ZBTB38: variants seen among roughly 807,000 people sequenced by gnomAD.
ZBTB38 encodes the protein zinc finger and BTB domain-containing protein 38.
A neutral mutation model predicts 76.8 loss-of-function variants in ZBTB38; 20 were observed. The observed-to-expected ratio is 0.26, with a 90% CI of 0.18 to 0.38. ZBTB38 has a LOEUF of 0.38. Ranked by LOEUF, ZBTB38 falls within the 10% of genes least tolerant of loss-of-function variation. ZBTB38 has a pLI of 1.00. For missense variants in ZBTB38, 1,082 were observed against 1,482.3 expected (o/e 0.73, Z 4.43); for synonymous variants, 504 against 544.2 (o/e 0.93, Z 1.03).
chr3:141,423,793 A>G (rs1250466346), intron 5 of ZBTB38, among the ~76,000 whole-genome samples: 2 of 151,988 alleles, frequency 1.3e-5, no homozygotes, highest in Non-Finnish European at 2.9e-5. Flanking sequence ...TAATGAATCC[A>G]CTAAACTGAG....
chr3:141,334,068 A>T (rs1942935282), intron 1 of ZBTB38, among the ~76,000 whole-genome samples: 1 of 152,156 alleles, frequency 6.6e-6, no homozygotes, highest in Non-Finnish European at 1.5e-5. Context: ...CCCATAAAGA[A>T]TGGGACGCAT....
chr3:141,376,511 A>G (rs1356146957), intron 2 of ZBTB38, among the ~76,000 whole-genome samples: 2 of 152,176 alleles, frequency 1.3e-5, no homozygotes, highest in Non-Finnish European at 2.9e-5. Flanking sequence ...GATGAGTAAG[A>G]GTTCTGGAAA....
intron 1 of ZBTB38, among the ~76,000 whole-genome samples, chr3:141,327,334 T>G (rs1384442467): frequency 6.6e-6 from 1 of 152,104 alleles, no homozygotes; most frequent in African/African-American, 2.4e-5. Flanking sequence ...AGCCAGGCGA[T>G]CAAGGTCAAT....
intron 5 of ZBTB38, among the ~76,000 whole-genome samples, chr3:141,435,162 G>GA (rs1314561367): frequency 6.6e-6 from 1 of 151,778 alleles, no homozygotes; most frequent in East Asian, 1.9e-4. Context: ...TCTCAAAGAA[G>GA]AAAAAAGATA....
At chr3:141,362,813 G>A (rs1175493389) in intron 1 of ZBTB38, among the ~76,000 whole-genome samples, 1 of 152,118 alleles carries the variant, frequency 6.6e-6, no homozygotes, top group Non-Finnish European at 1.5e-5. Context: ...TGATGTTTGA[G>A]AAATGCAAGT....
At chr3:141,383,913 C>A (rs565198046) in intron 3 of ZBTB38, among the ~76,000 whole-genome samples, 2 of 152,192 alleles carry the variant, frequency 1.3e-5, no homozygotes, top group Non-Finnish European at 2.9e-5. Context: ...ATGAGAAGCA[C>A]GCAATTTTTT....
chr3:141,393,914 C>T (rs1439255470), intron 4 of ZBTB38, among the ~76,000 whole-genome samples: 2 of 152,154 alleles, frequency 1.3e-5, no homozygotes, highest in Admixed American at 1.3e-4. Context: ...CCCACGTTGG[C>T]GATTGTGAAG....
chr3:141,390,866 G>A (rs1948666053), intron 4 of ZBTB38, among the ~76,000 whole-genome samples: 2 of 152,152 alleles, frequency 1.3e-5, no homozygotes, highest in Admixed American at 1.3e-4. Context: ...ATTTTAAAAT[G>A]AAAGTGGGCC....
upstream of ZBTB38, among the ~76,000 whole-genome samples, chr3:141,364,366 T>C: frequency 6.6e-6 from 1 of 150,422 alleles, no homozygotes; most frequent in East Asian, 1.9e-4. Flanking sequence ...ATATAAAGAA[T>C]CCCTAAAACT....
intron 5 of ZBTB38, among the ~76,000 whole-genome samples, chr3:141,425,746 A>G (rs2076264554): frequency 6.6e-6 from 1 of 152,250 alleles, no homozygotes; most frequent in Admixed American, 6.5e-5. Context: ...AAACCAAGAA[A>G]AACATGGACA....
At chr3:141,349,151 A>T (rs1943449664) in intron 1 of ZBTB38, among the ~76,000 whole-genome samples, 1 of 152,206 alleles carries the variant, frequency 6.6e-6, no homozygotes. Context: ...TCACTCCACT[A>T]AAAATCTGAC....
intron 5 of ZBTB38, among the ~76,000 whole-genome samples, chr3:141,431,341 A>AAAAAAAAAAAAAAAAAAATATAT: frequency 9.7e-6 from 1 of 103,292 alleles, no homozygotes; most frequent in East Asian, 3.0e-4. Flanking sequence ...AAAAAAAAAA[A>AAAAAAAAAAAAAAAAAAATATAT]ATATATATAT....
At chr3:141,379,975 A>C (rs1471039619) in intron 2 of ZBTB38, among the ~76,000 whole-genome samples, 3 of 152,252 alleles carry the variant, frequency 2.0e-5, no homozygotes, top group Admixed American at 2.0e-4. Context: ...TAAACCCTCC[A>C]TTCTGTCATT....
At chr3:141,343,170 G>T (rs1214737628) in intron 1 of ZBTB38, among the ~76,000 whole-genome samples, 1 of 152,148 alleles carries the variant, frequency 6.6e-6, no homozygotes, top group Non-Finnish European at 1.5e-5. Flanking sequence ...GAAGTTTAGG[G>T]CAAGGAAGTG....
chr3:141,347,131 T>C (rs568270096), intron 1 of ZBTB38, among the ~76,000 whole-genome samples: 1 of 152,328 alleles, frequency 6.6e-6, no homozygotes, highest in South Asian at 2.1e-4. Flanking sequence ...ATGAGTTACA[T>C]ATGCGTGGGC....
chr3:141,364,441 G>A (rs1473925907), upstream of ZBTB38, among the ~76,000 whole-genome samples: 2 of 151,808 alleles, frequency 1.3e-5, no homozygotes, highest in African/African-American at 4.8e-5. Flanking sequence ...ACTTTGGGAG[G>A]CTGAGGCAGG....
chr3:141,366,739 G>A (rs1943984038), upstream of ZBTB38: 1 of 152,116 alleles, frequency 6.6e-6, no homozygotes, highest in African/African-American at 2.4e-5. Flanking sequence ...GAAAGCTGTG[G>A]GTGTGTTATC....
intron 3 of ZBTB38, among the ~76,000 whole-genome samples, chr3:141,383,021 A>G (rs1946422518): frequency 6.6e-6 from 1 of 152,230 alleles, no homozygotes. Context: ...CTCACCTAAA[A>G]TTGAAGGTAC....
At chr3:141,353,479 C>T (rs961781847) in intron 1 of ZBTB38, among the ~76,000 whole-genome samples, 2 of 152,020 alleles carry the variant, frequency 1.3e-5, no homozygotes, top group Admixed American at 6.6e-5. Context: ...CATTAGAACT[C>T]ATGGAAGAAA....
Sources: allele counts gnomAD v4.1 joint callset (sites outside exome capture counted in the v4.1 genomes callset), GRCh38; gene constraint gnomAD v4.1.1; transcripts MANE v1.5; gene names NCBI Gene and HGNC (gene_info 2026-07-23, HGNC 2026-07-21).